CCPG1: variants seen among roughly 807,000 people sequenced by gnomAD.
CCPG1 encodes cell cycle progression 1.
Under a neutral mutation model 81.3 loss-of-function variants are expected in CCPG1, and 46 were observed. That is an observed-to-expected ratio of 0.57 (90% CI 0.45 to 0.72). The LOEUF (loss-of-function observed/expected upper bound fraction) is 0.72, where lower values mean the gene tolerates loss of function less well. CCPG1 is among the 30% of genes least tolerant of loss of function. CCPG1 has a pLI of 0.00. For missense variants in CCPG1, 902 were observed against 937.6 expected (o/e 0.96, Z 0.50); for synonymous variants, 330 against 305.2 (o/e 1.08, Z -0.85).
intron 5 of CCPG1, chr15:55,374,162 A>G (rs1157252625): frequency 7.8e-7 from 1 of 1,288,756 alleles, no homozygotes; most frequent in East Asian, 5.5e-5. Flanking sequence ...CACCTTGGAA[A>G]GCGAGTTGGC....
intron 2 of CCPG1, 118 bp from the exon 3 acceptor site, chr15:55,385,832 G>A: frequency 1.5e-6 from 1 of 673,796 alleles, no homozygotes; most frequent in Admixed American, 2.3e-5. Flanking sequence ...TACTCCAAAG[G>A]AACAGTATCT....
chr15:55,389,472 T>C (rs747568680), intron 1 of CCPG1, 39 bp from the exon 2 acceptor site: 3 of 1,424,796 alleles, frequency 2.1e-6, no homozygotes, highest in Non-Finnish European at 3.0e-6. Context: ...GAGACACATT[T>C]TTTTTAATTC....
At chr15:55,374,307 AG>A (rs570937881) in intron 5 of CCPG1, 16 of 873,462 alleles carry the variant, frequency 1.8e-5, no homozygotes, top group East Asian at 6.2e-5. Flanking sequence ...AAGACTAAAA[AG>A]AAAAAAAAGA....
At chr15:55,356,687 T>C (rs2056083643) in intron 8 of CCPG1, 1 of 1,128,798 alleles carries the variant, frequency 8.9e-7, no homozygotes, top group South Asian at 3.9e-5. Flanking sequence ...AATAATGAGA[T>C]GTGTTTCCAT....
At chr15:55,374,219 A>C (rs1379342276) in intron 5 of CCPG1, 1 of 1,289,048 alleles carries the variant, frequency 7.8e-7, no homozygotes, top group East Asian at 5.5e-5. Flanking sequence ...ATATGCACTC[A>C]GGAATCTTCC....
At position 55,360,734 on chromosome 15, in the gene CCPG1, A is replaced by T; in HGVS notation, c.1039T>A (p.Leu347Ile). Residue 347 changes from leucine (L) to isoleucine (I), a missense_variant, in exon 8 of 9, where the codon TTA becomes ATA. Transcript: ENST00000442196. Reference protein sequence around the residue: ...ILEDKGTSTELVKENQKLKQH... With the variant: ...ILEDKGTSTEIVKENQKLKQH... ...TTAAGTTTCTGATTTTCTTTAACTA[A>T]TTCAGTACTTGTCCCTTTATCTTCC... 2 of 1,612,044 alleles carry T rather than the reference A, an allele frequency of 1.2e-6. No homozygotes were observed. Among genetic ancestry groups the T allele is most frequent in the Non-Finnish European group, 8.5e-7 (1 of 1,179,572 alleles).
chr15:55,391,181 G>A (rs1041405997), intron 1 of CCPG1, among the ~76,000 whole-genome samples: 1 of 152,168 alleles, frequency 6.6e-6, no homozygotes, highest in Non-Finnish European at 1.5e-5. Flanking sequence ...TGAGTGCAAT[G>A]GCGTAATCAT....
chr15:55,363,833 T>G (rs1426011794), intron 7 of CCPG1, among the ~76,000 whole-genome samples: 3 of 133,146 alleles, frequency 2.3e-5, no homozygotes, highest in Non-Finnish European at 4.7e-5. Flanking sequence ...TGAGACAGTC[T>G]TCCTCTGTGG....
intron 5 of CCPG1, 181 bp from the exon 6 acceptor site, chr15:55,372,225 CAT>C (rs2056464652): frequency 1.7e-6 from 1 of 604,712 alleles, no homozygotes; most frequent in East Asian, 2.8e-5. Context: ...AAAGCCAAAA[CAT>C]AAAGCATTTC....
At chr15:55,361,227 G>T (rs1301853189) in intron 7 of CCPG1, among the ~76,000 whole-genome samples, 1 of 151,294 alleles carries the variant, frequency 6.6e-6, no homozygotes, top group Non-Finnish European at 1.5e-5. Flanking sequence ...GAGTGCAGTG[G>T]CGCAATCTCG....
chr15:55,397,208 C>T (rs113154852), intron 1 of CCPG1, among the ~76,000 whole-genome samples: 26,585 of 145,222 alleles, frequency 0.18, 4,090 homozygotes, highest in African/African-American at 0.42. Context: ...AGCGAGACTC[C>T]GTCTCAAAAA....
Position 55,376,026 on chromosome 15 carries a change from G to C in CCPG1, c.454+923C>G, listed in dbSNP as rs188777562. On this transcript the variant is annotated intron_variant, in intron 5 of 8. Coordinates refer to ENST00000442196, the MANE Select transcript of CCPG1 (RefSeq NM_001204450.2). ...CTTGACATTTTATTAGCTTAAACTG[G>C]AATGACAGAAATTCTATTGTCTGAT... Among the ~76,000 whole-genome samples, 502 of 152,200 alleles carry C rather than the reference G, an allele frequency of 3.3e-3. 1 individual carries two copies. Among genetic ancestry groups the C allele is most frequent in the Non-Finnish European group, 4.9e-3 (335 of 68,012 alleles).
chr15:55,366,443 C>A (rs999186693), intron 6 of CCPG1, among the ~76,000 whole-genome samples: 4 of 152,010 alleles, frequency 2.6e-5, no homozygotes, highest in Non-Finnish European at 5.9e-5. Context: ...ATGGTTAAAT[C>A]TGTACTGGAG....
intron 5 of CCPG1, chr15:55,372,488 C>G (rs1261356175): frequency 5.2e-6 from 1 of 191,586 alleles, no homozygotes; most frequent in Admixed American, 5.5e-5. Flanking sequence ...TGGCGAAACC[C>G]CTTCTCTACT....
In CCPG1 at chr15:55,360,206, T is replaced by C. The variant is rs1051107484; in HGVS notation, c.1567A>G (p.Lys523Glu). The change falls in exon 8 of 9, where the codon AAA (lysine) becomes GAA (glutamate). Residue 523 changes from lysine (K) to glutamate (E), a missense_variant. Lys to Glu is a moderately conservative substitution (Grantham distance 56, BLOSUM62 1). Transcript: ENST00000442196. Reference protein sequence around the residue: ...QAKEAVKENLKKFSDSVKSTF... With the variant: ...QAKEAVKENLEKFSDSVKSTF... ...GATTTAACTGAATCTGAGAATTTTT[T>C]CAGATTTTCCTTCACAGCTTCTTTA... The C allele has an allele frequency of 2.5e-6, 4 of 1,613,466 alleles. No homozygotes were observed. Among genetic ancestry groups the C allele is most frequent in the Non-Finnish European group, 3.4e-6 (4 of 1,179,902 alleles).
intron 1 of CCPG1, among the ~76,000 whole-genome samples, chr15:55,392,166 A>G (rs2056932412): frequency 6.6e-6 from 1 of 152,056 alleles, no homozygotes; most frequent in Non-Finnish European, 1.5e-5. Context: ...ATAAAAAATA[A>G]AAAAGACAAT....
Position 55,378,334 on chromosome 15 carries a change from T to A in CCPG1, c.218A>T (p.Tyr73Phe). 1.2e-6 allele frequency: 2 copies of A among 1,612,176 alleles called. No homozygotes were observed. The highest frequency in any genetic ancestry group is 1.1e-5 in the South Asian group (1 of 90,960). The change falls in exon 4 of 9, where the codon TAT (tyrosine) becomes TTT (phenylalanine). Residue 73 changes from tyrosine to phenylalanine, a missense_variant. Physicochemically the swap from Tyr to Phe is conservative, Grantham distance 22 (BLOSUM62 3). Coordinates refer to ENST00000442196, the MANE Select transcript of CCPG1 (RefSeq NM_001204450.2). Reference protein sequence around the residue: ...NGTVLMEETAYPALEETSSTI... With the variant: ...NGTVLMEETAFPALEETSSTI... ...TGAGCTGGTTTCCTCCAAAGCTGGA[T>A]AAGCAGTTTCTTCCATAAGCACTGT...
At position 55,359,936 on chromosome 15, in the gene CCPG1, T is replaced by C. The variant is rs746985700; in HGVS notation, c.1837A>G (p.Ser613Gly). ...TTTTCTCTACAATCATGCCCAGGAC[T>C]GCATTTCTTTGAATTTGTATTTTTT... ...FRKNTNSKKCSPGHDCRENSH... is the reference protein window; with the variant it reads ...FRKNTNSKKCGPGHDCRENSH... The change falls in exon 8 of 9, where the codon AGT becomes GGT. Residue 613 changes from serine to glycine, a missense_variant. Physicochemically the swap from Ser to Gly is moderately conservative, Grantham distance 56. Around this residue, in one of 3 missense-constraint regions of CCPG1, gnomAD observed 746 missense variants for 728.6 expected, o/e 1.02. Coordinates refer to ENST00000442196, the MANE Select transcript of CCPG1 (RefSeq NM_001204450.2). 3 of 1,613,272 alleles carry C rather than the reference T, an allele frequency of 1.9e-6. No individual in the cohort carries two copies. In the East Asian group the frequency reaches 6.7e-5, roughly 36 times the overall value.
At chr15:55,381,366 G>C (rs1405765026) in intron 3 of CCPG1, among the ~76,000 whole-genome samples, 2 of 151,820 alleles carry the variant, frequency 1.3e-5, no homozygotes, top group Non-Finnish European at 2.9e-5. Flanking sequence ...CGGGGAGGCG[G>C]AGGTTACAGT....
Sources: gnomAD v4.1 joint callset for allele counts (sites outside exome capture counted in the v4.1 genomes callset) on GRCh38, gnomAD v4.1.1 for gene constraint, gnomAD v4.1.1 regional missense constraint, MANE v1.5 for transcripts, NCBI Gene and HGNC (gene_info 2026-07-23, HGNC 2026-07-21) for gene names.